INVS: variants seen among roughly 807,000 people sequenced by gnomAD.
The protein encoded by INVS is inversin, also known as inversion of embryo turning homolog.
Under a neutral mutation model 108.8 loss-of-function variants are expected in INVS, and 86 were observed. The ratio of observed to expected loss-of-function variants is 0.79; its 90% CI spans 0.66 to 0.95. INVS has a LOEUF of 0.95. INVS is among the 40% of genes least tolerant of loss of function. The pLI is 0.00. For missense variants in INVS, 1,169 were observed against 1,297.4 expected, an observed-to-expected ratio of 0.90 and a Z score of 1.52; for synonymous variants, 455 against 473.5, an observed-to-expected ratio of 0.96 and a Z score of 0.51.
chr9:100,183,337 A>G (rs1406752816), intron 3 of INVS, among the ~76,000 whole-genome samples: 1 of 152,222 alleles, frequency 6.6e-6, no homozygotes. Context: ...CATACTCTTC[A>G]GTATCAATAG....
At chr9:100,277,855 C>CT (rs980960130) in intron 12 of INVS, among the ~76,000 whole-genome samples, 1 of 152,142 alleles carries the variant, frequency 6.6e-6, no homozygotes, top group African/African-American at 2.4e-5. Context: ...AGAGCTAAAT[C>CT]TTTTTTGTCT....
chr9:100,246,125 C>A (rs1832038314), intron 7 of INVS, among the ~76,000 whole-genome samples: 1 of 149,078 alleles, frequency 6.7e-6, no homozygotes, highest in African/African-American at 2.5e-5. Flanking sequence ...TGCACTCCAA[C>A]CTGGGCAACA....
Position 100,264,943 on chromosome 9 carries a change from A to C in INVS, c.1571+15A>C, listed in dbSNP as rs1383066580. The C allele has an allele frequency of 6.8e-7, 1 of 1,463,510 alleles. No individual in the cohort carries two copies. Among genetic ancestry groups the C allele is most frequent in the Non-Finnish European group, 9.4e-7 (1 of 1,069,432 alleles). The allele number at this position is 1,463,510 out of a possible 1,614,324, so 90.7% of individuals were successfully genotyped here. A position where few individuals can be genotyped will look rare whatever the true frequency, so the allele number is the denominator to read the frequency against. ...AATGAAGAGAGGTAAGTTGTTGTTG[A>C]CTTTTTTTTTTTTTTTTGAGATGGC... On this transcript the variant is annotated intron_variant, in intron 11 of 16. Coordinates refer to ENST00000262457, the MANE Select transcript of INVS (RefSeq NM_014425.5).
intron 3 of INVS, among the ~76,000 whole-genome samples, chr9:100,158,733 A>T (rs2119003959): frequency 6.6e-6 from 1 of 152,326 alleles, no homozygotes; most frequent in East Asian, 1.9e-4. Context: ...CTATAGTTTG[A>T]ATATTTGTCC....
intron 3 of INVS, among the ~76,000 whole-genome samples, chr9:100,141,535 G>A (rs1564129836): frequency 6.6e-6 from 1 of 152,174 alleles, no homozygotes; most frequent in South Asian, 2.1e-4. Context: ...CTAACAGAAG[G>A]GAAAAAATGA....
intron 1 of INVS, chr9:100,101,480 A>G (rs969634316): frequency 6.6e-6 from 1 of 152,122 alleles, no homozygotes; most frequent in Admixed American, 6.6e-5. Context: ...CATGACTGTT[A>G]GACTCAGACA....
rs531686122 is a variant in INVS, at chr9:100,125,019, G to T, written c.107-1364G>T. 2.9e-4 allele frequency among the ~76,000 whole-genome samples: 44 copies of T among 152,280 alleles called. No individual in the cohort carries two copies. The South Asian group carries it at 4.8e-3, about 17-fold the overall frequency. ...CTGCTCAGGCCCATTTAGAACCAAG[G>T]CAATGATCTAACTATAGTTCAATTC... is the stretch of plus-strand genomic sequence containing the variant. On this transcript the variant is annotated intron_variant, in intron 2 of 16. Transcript: ENST00000262457.
At chr9:100,161,364 CAAAAAAAAAAAAAAAAA>C (rs35392930) in intron 3 of INVS, among the ~76,000 whole-genome samples, 2 of 12,370 alleles carry the variant, frequency 1.6e-4, no homozygotes, top group Non-Finnish European at 3.2e-4. Flanking sequence ...ACTTCCATCT[CAAAAAAAAAAAAAAAAA>C]AAAAAAAAAA....
At chr9:100,227,058 A>G (rs1326319585) in intron 4 of INVS, among the ~76,000 whole-genome samples, 1 of 152,162 alleles carries the variant, frequency 6.6e-6, no homozygotes, top group Non-Finnish European at 1.5e-5. Flanking sequence ...CTGTGCCTCA[A>G]TTTTTGTATG....
chr9:100,268,932 T>A (rs1198768574), intron 11 of INVS, among the ~76,000 whole-genome samples: 1 of 152,172 alleles, frequency 6.6e-6, no homozygotes, highest in East Asian at 1.9e-4. Context: ...GGTAAAGGAA[T>A]AATTTGGGCC....
chr9:100,202,947 A>G (rs1266064512), intron 3 of INVS, among the ~76,000 whole-genome samples: 2 of 152,242 alleles, frequency 1.3e-5, no homozygotes, highest in Admixed American at 1.3e-4. Flanking sequence ...CCATTGGCAG[A>G]AAAGAGTTAA....
At chr9:100,240,316 T>C in intron 6 of INVS, 76 bp downstream of exon 6, 2 of 1,072,114 alleles carry the variant, frequency 1.9e-6, no homozygotes, top group South Asian at 2.5e-5. Flanking sequence ...CCTTCCACTG[T>C]TTACTCCCAA....
intron 2 of INVS, among the ~76,000 whole-genome samples, chr9:100,116,405 G>A (rs1288361013): frequency 6.6e-6 from 1 of 152,034 alleles, no homozygotes; most frequent in Non-Finnish European, 1.5e-5. Flanking sequence ...ACTGCACCCA[G>A]CCTAAGTTTC....
chr9:100,286,963 T>C (rs931167841), intron 13 of INVS, among the ~76,000 whole-genome samples: 3 of 152,240 alleles, frequency 2.0e-5, no homozygotes, highest in Admixed American at 6.5e-5. Context: ...AGAGTAGGGT[T>C]GCTTCCATTA....
intron 3 of INVS, among the ~76,000 whole-genome samples, chr9:100,181,088 C>T (rs1829874756): frequency 6.6e-6 from 1 of 152,096 alleles, no homozygotes; most frequent in Non-Finnish European, 1.5e-5. Context: ...CCCCTTCATG[C>T]TAAAAACTCT....
Position 100,286,730 on chromosome 9 carries a change from T to C in INVS, c.2068+2127T>C, listed in dbSNP as rs148680698. Among the ~76,000 whole-genome samples, 168 of 152,338 alleles carry C rather than the reference T, an allele frequency of 1.1e-3. 1 individual carries two copies. The East Asian group carries it at 0.026, about 23-fold the overall frequency. ...TGTTGAACTTCCTTGAGTTCTTTCT[T>C]AGCTTGGGGCCTTTGCAGATGCCAC... On this transcript the variant is annotated intron_variant, in intron 13 of 16. Transcript: ENST00000262457.
intron 15 of INVS, 102 bp from the exon 16 acceptor site, chr9:100,297,834 C>A: frequency 1.7e-6 from 2 of 1,166,798 alleles, no homozygotes; most frequent in South Asian, 1.2e-5. Flanking sequence ...TCTTGACACA[C>A]ACCTGCAAGC....
At chr9:100,142,151 G>T (rs968371806) in intron 3 of INVS, among the ~76,000 whole-genome samples, 2 of 152,148 alleles carry the variant, frequency 1.3e-5, no homozygotes, top group Non-Finnish European at 2.9e-5. Flanking sequence ...AAGTTAAGCG[G>T]CGTTGAGAAG....
In INVS at chr9:100,239,491, T is replaced by C. The variant is rs565897801; in HGVS notation, c.616-569T>C. ...TTGAATGATAACAGAAACAAAAGCA[T>C]ATCAGGCAAAATGTTGACACCTTTT... On this transcript the variant is annotated intron_variant, in intron 5 of 16. Coordinates refer to ENST00000262457, the MANE Select transcript of INVS (RefSeq NM_014425.5). Among the ~76,000 whole-genome samples the C allele has an allele frequency of 7.9e-5, 12 of 152,342 alleles. No homozygotes were observed. The South Asian group carries it at 2.5e-3, about 32-fold the overall frequency.
Sources: allele counts gnomAD v4.1 joint callset (sites outside exome capture counted in the v4.1 genomes callset), GRCh38; gene constraint gnomAD v4.1.1; transcripts MANE v1.5; gene names NCBI Gene and HGNC (gene_info 2026-07-23, HGNC 2026-07-21).